Variants in MB21D2 observed in about 807,000 individuals in gnomAD.
The protein encoded by MB21D2 is Mab-21 domain containing 2.
A neutral mutation model predicts 33.3 loss-of-function variants in MB21D2; 9 were observed. That is an observed-to-expected ratio of 0.27 (90% CI 0.16 to 0.47). MB21D2 has a LOEUF of 0.47. Ranked by LOEUF, MB21D2 falls within the 20% of genes least tolerant of loss-of-function variation. MB21D2 has a pLI of 0.99. For missense variants in MB21D2, 540 were observed against 624.6 expected (o/e 0.86, Z 1.44); for synonymous variants, 241 against 236.3 (o/e 1.02, Z -0.18).
chr3:192,852,122 A>G (rs540131799), intron 1 of MB21D2, among the ~76,000 whole-genome samples: 2 of 152,348 alleles, frequency 1.3e-5, no homozygotes, highest in East Asian at 3.9e-4. Context: ...AAATGATCAG[A>G]AAGCAGAACT....
chr3:192,867,819 A>G (rs1500609), intron 1 of MB21D2, among the ~76,000 whole-genome samples: 93,939 of 151,964 alleles, frequency 0.62, 31,207 homozygotes, highest in African/African-American at 0.86. Context: ...CTTCCACTTC[A>G]TATCTCTTGG....
At chr3:192,867,039 G>A (rs929395373) in intron 1 of MB21D2, among the ~76,000 whole-genome samples, 3 of 152,164 alleles carry the variant, frequency 2.0e-5, no homozygotes, top group African/African-American at 4.8e-5. Flanking sequence ...GTGTGAAGCC[G>A]CAGGTTGGAG....
At chr3:192,861,835 C>A (rs1053192638) in intron 1 of MB21D2, among the ~76,000 whole-genome samples, 2 of 151,996 alleles carry the variant, frequency 1.3e-5, no homozygotes, top group African/African-American at 4.8e-5. Flanking sequence ...AAAACATAGA[C>A]CCATTTCTAT....
intron 1 of MB21D2, among the ~76,000 whole-genome samples, chr3:192,877,217 A>G (rs774397201): frequency 1.3e-5 from 2 of 152,216 alleles, no homozygotes; most frequent in Non-Finnish European, 2.9e-5. Flanking sequence ...CTTAAAAGAT[A>G]GAAGAAATTC....
intron 1 of MB21D2, among the ~76,000 whole-genome samples, chr3:192,813,694 A>G (rs1004880312): frequency 6.6e-6 from 1 of 152,162 alleles, no homozygotes; most frequent in Non-Finnish European, 1.5e-5. Context: ...CAAAGTATCC[A>G]CCTAGTTCTC....
intron 1 of MB21D2, among the ~76,000 whole-genome samples, chr3:192,868,484 A>G (rs1406184969): frequency 6.6e-6 from 1 of 152,094 alleles, no homozygotes; most frequent in Non-Finnish European, 1.5e-5. Flanking sequence ...TAATAAATTA[A>G]TATTTTGCTT....
intron 1 of MB21D2, among the ~76,000 whole-genome samples, chr3:192,870,360 G>C (rs1332972653): frequency 6.6e-6 from 1 of 152,174 alleles, no homozygotes; most frequent in Non-Finnish European, 1.5e-5. Context: ...CATTGGATCT[G>C]ATGGGCATTT....
intron 1 of MB21D2, among the ~76,000 whole-genome samples, chr3:192,812,378 G>A (rs1055331140): frequency 3.9e-5 from 6 of 152,032 alleles, no homozygotes; most frequent in African/African-American, 1.5e-4. Flanking sequence ...TATCAATTAT[G>A]TGTTTACCTG....
chr3:192,851,942 G>A (rs553752241), intron 1 of MB21D2, among the ~76,000 whole-genome samples: 1 of 152,310 alleles, frequency 6.6e-6, no homozygotes, highest in South Asian at 2.1e-4. Flanking sequence ...CATGACAAAT[G>A]TGGAGCCAAA....
intron 1 of MB21D2, among the ~76,000 whole-genome samples, chr3:192,866,638 T>TA (rs1301963062): frequency 6.6e-6 from 1 of 152,202 alleles, no homozygotes; most frequent in East Asian, 1.9e-4. Flanking sequence ...TCAGGTCCCT[T>TA]AGGTCATAAA....
chr3:192,803,488 C>T (rs961603513), intron 1 of MB21D2, among the ~76,000 whole-genome samples: 2 of 152,192 alleles, frequency 1.3e-5, no homozygotes, highest in Non-Finnish European at 1.5e-5. Flanking sequence ...CTTCCTACAT[C>T]CACATTTCCA....
chr3:192,847,687 C>T (rs1003155786), intron 1 of MB21D2, among the ~76,000 whole-genome samples: 9 of 152,178 alleles, frequency 5.9e-5, no homozygotes, highest in Non-Finnish European at 1.3e-4. Flanking sequence ...CCAGACACTA[C>T]AAACTCAGTA....
At chr3:192,847,026 A>C (rs936680610) in intron 1 of MB21D2, among the ~76,000 whole-genome samples, 1 of 152,152 alleles carries the variant, frequency 6.6e-6, no homozygotes, top group African/African-American at 2.4e-5. Flanking sequence ...AGTTGGGGGA[A>C]GACTCATCAC....
intron 1 of MB21D2, among the ~76,000 whole-genome samples, chr3:192,834,695 TG>T (rs1326278227): frequency 6.6e-6 from 1 of 152,026 alleles, no homozygotes; most frequent in East Asian, 1.9e-4. Context: ...CAAGACAAAC[TG>T]GGAACACAAA....
intron 1 of MB21D2, among the ~76,000 whole-genome samples, chr3:192,916,690 T>C (rs977415760): frequency 6.6e-6 from 1 of 152,114 alleles, no homozygotes. Flanking sequence ...GCAGGACACC[T>C]GGGGAGGGTG....
At chr3:192,900,307 A>AAAAAAAAAAAAAAG (rs1560255280) in intron 1 of MB21D2, among the ~76,000 whole-genome samples, 2 of 143,106 alleles carry the variant, frequency 1.4e-5, no homozygotes. Flanking sequence ...AAAAAAAAAA[A>AAAAAAAAAAAAAAG]ATCACAGAAA....
At chr3:192,838,542 C>T (rs1712495599) in intron 1 of MB21D2, among the ~76,000 whole-genome samples, 1 of 151,870 alleles carries the variant, frequency 6.6e-6, no homozygotes, top group Admixed American at 6.6e-5. Flanking sequence ...CATTCTCCTG[C>T]CTCGGCCTCC....
chr3:192,809,693 T>C (rs1356626146), intron 1 of MB21D2, among the ~76,000 whole-genome samples: 1 of 152,188 alleles, frequency 6.6e-6, no homozygotes, highest in Admixed American at 6.5e-5. Context: ...TAGTCATCTC[T>C]GGGGAATAAA....
chr3:192,879,588 T>C (rs1435440972), intron 1 of MB21D2, among the ~76,000 whole-genome samples: 1 of 152,146 alleles, frequency 6.6e-6, no homozygotes, highest in Non-Finnish European at 1.5e-5. Context: ...CACAGAGGGC[T>C]TCACAGAAGA....
Sources: gnomAD v4.1 joint callset for allele counts (sites outside exome capture counted in the v4.1 genomes callset) on GRCh38, gnomAD v4.1.1 for gene constraint, MANE v1.5 for transcripts, NCBI Gene and HGNC (gene_info 2026-07-23, HGNC 2026-07-21) for gene names.